TIMM23: variants seen among roughly 807,000 people sequenced by gnomAD.
TIMM23 encodes the protein mitochondrial import inner membrane translocase subunit Tim23.
A neutral mutation model predicts 30.7 loss-of-function variants in TIMM23; 19 were observed. The observed-to-expected ratio is 0.62, with a 90% CI of 0.43 to 0.91. The LOEUF is 0.91. TIMM23 is among the 40% of genes least tolerant of loss of function. TIMM23 has a pLI of 0.00. For synonymous variants in TIMM23, 78 were observed against 98.5 expected, an observed-to-expected ratio of 0.79 and a Z score of 1.23; for missense variants, 202 against 269.2, an observed-to-expected ratio of 0.75 and a Z score of 1.75.
chr10:45,979,687 ACAG>A (rs1837788247), intron 2 of TIMM23, among the ~76,000 whole-genome samples: 3 of 141,506 alleles, frequency 2.1e-5, no homozygotes, highest in Non-Finnish European at 4.5e-5. Flanking sequence ...ACGGCATCTG[ACAG>A]CTGCTGCATT....
At position 45,986,804 on chromosome 10, in the gene TIMM23, CGTGTGT is replaced by C. The variant is rs1161990914; in HGVS notation, c.403+1378_403+1383del. Among the ~76,000 whole-genome samples, 12 of 149,498 alleles carry C rather than the reference CGTGTGT, an allele frequency of 8.0e-5. 1 individual carries two copies. The highest frequency in any genetic ancestry group is 2.2e-4 in the African/African-American group (9 of 40,562). The stretch of plus-strand genomic sequence containing the variant: ...TCTATTTTTTCTTATACTAGAAATA[CGTGTGT>C]GTGTGTGTGTGTGTATGTGTGTGTC... On this transcript the variant is annotated intron_variant, in intron 5 of 6. Coordinates refer to ENST00000580018, the MANE Select transcript of TIMM23 (RefSeq NM_006327.4).
intron 2 of TIMM23, among the ~76,000 whole-genome samples, chr10:45,980,460 T>A (rs1287629796): frequency 2.6e-5 from 4 of 151,952 alleles, no homozygotes; most frequent in African/African-American, 9.7e-5. Flanking sequence ...GTCACTACTC[T>A]TGTATCCTTA....
chr10:45,985,147 G>C (rs1157803249), intron 4 of TIMM23, among the ~76,000 whole-genome samples: 2 of 151,472 alleles, frequency 1.3e-5, no homozygotes, highest in Non-Finnish European at 2.9e-5. Flanking sequence ...TATTATTAAG[G>C]ACTTATATAA....
In TIMM23 at chr10:45,975,498, C is replaced by G; in HGVS notation, c.151C>G (p.Arg51Gly). ...GTCTCCTTATTTAAATGTGGATCCA[C>G]GATACCTCGTGCAGGTAAGATTAAG... ...PLSPYLNVDP[R>G]YLVQDTDEFI... Residue 51 changes from arginine (R) to glycine (G), a missense_variant, in exon 2 of 7, where the codon CGA becomes GGA. By Grantham distance (125) the Arg-to-Gly change is moderately radical (BLOSUM62 -2). Transcript: ENST00000580018. 1.2e-6 allele frequency: 2 copies of G among 1,613,838 alleles called. No individual in the cohort carries two copies.
At chr10:45,997,526 G>GCTCT (rs1838380920) in intron 6 of TIMM23, among the ~76,000 whole-genome samples, 1 of 152,222 alleles carries the variant, frequency 6.6e-6, no homozygotes, top group East Asian at 1.9e-4. Context: ...GATAGATGTT[G>GCTCT]GTACACAGAG....
At chr10:46,002,967 C>T (rs1415570932) in intron 6 of TIMM23, among the ~76,000 whole-genome samples, 1 of 151,952 alleles carries the variant, frequency 6.6e-6, no homozygotes, top group Non-Finnish European at 1.5e-5. Flanking sequence ...GGACTATAAG[C>T]ACACATCACC....
At chr10:45,999,564 T>G (rs1838457025) in intron 6 of TIMM23, among the ~76,000 whole-genome samples, 3 of 152,028 alleles carry the variant, frequency 2.0e-5, no homozygotes. Flanking sequence ...TAGGTGTGGG[T>G]CAGAGACATC....
intron 6 of TIMM23, chr10:46,002,358 C>A: frequency 5.1e-6 from 1 of 196,780 alleles, no homozygotes; most frequent in Non-Finnish European, 9.2e-6. Context: ...CTATTTTTTG[C>A]AGAGACAGGG....
At chr10:45,989,940 A>AT (rs1171534537) in intron 6 of TIMM23, among the ~76,000 whole-genome samples, 1 of 152,080 alleles carries the variant, frequency 6.6e-6, no homozygotes, top group African/African-American at 2.4e-5. Context: ...CACATACGTG[A>AT]TTTTTTAAGT....
intron 6 of TIMM23, among the ~76,000 whole-genome samples, chr10:45,996,808 AC>A (rs1838348633): frequency 1.3e-5 from 2 of 151,676 alleles, no homozygotes; most frequent in African/African-American, 4.9e-5. Flanking sequence ...CCCTGTCTAT[AC>A]AAAAAATTAG....
chr10:45,995,145 T>A (rs1490568045), intron 6 of TIMM23, among the ~76,000 whole-genome samples: 1 of 151,742 alleles, frequency 6.6e-6, no homozygotes, highest in Non-Finnish European at 1.5e-5. Flanking sequence ...TGAGTATTCT[T>A]TTTTGCTTTT....
At chr10:45,998,353 A>G (rs947907687) in intron 6 of TIMM23, 14 of 984,682 alleles carry the variant, frequency 1.4e-5, no homozygotes, top group East Asian at 1.1e-4. Context: ...GTGCTTGCCT[A>G]TCGCTTTGGA....
At chr10:45,998,324 C>G (rs1357753959) in intron 6 of TIMM23, 3 of 970,832 alleles carry the variant, frequency 3.1e-6, no homozygotes, top group Admixed American at 6.2e-5. Context: ...GCCTCATTTT[C>G]TCATGTATAG....
chr10:45,972,859 T>C, intron 1 of TIMM23, 129 bp downstream of exon 1: 10 of 1,509,168 alleles, frequency 6.6e-6, no homozygotes, highest in Non-Finnish European at 8.9e-6. Flanking sequence ...GTACCAGTGG[T>C]GGGGTTAGTG....
At chr10:45,980,716 C>T (rs1554913863) in intron 2 of TIMM23, among the ~76,000 whole-genome samples, 1 of 152,090 alleles carries the variant, frequency 6.6e-6, no homozygotes, top group Non-Finnish European at 1.5e-5. Flanking sequence ...CCTGGAGTGT[C>T]AGCAGAACAG....
chr10:45,988,133 T>C (rs1838051333), intron 5 of TIMM23, among the ~76,000 whole-genome samples: 1 of 152,060 alleles, frequency 6.6e-6, no homozygotes, highest in Non-Finnish European at 1.5e-5. Flanking sequence ...GGGCCTCATG[T>C]GGAAAATTGA....
chr10:45,985,508 G>C (rs1243477237), intron 5 of TIMM23, 67 bp downstream of exon 5: 2 of 1,577,224 alleles, frequency 1.3e-6, no homozygotes, highest in Middle Eastern at 1.7e-4. Context: ...TGAACAATTT[G>C]ATCAACCCAT....
At position 45,982,871 on chromosome 10, in the gene TIMM23, T is replaced by C; in HGVS notation, c.285T>C (p.Gly95=). ...GGGCTGCGTTTGGTGCAATGAATGG[T>C]CTTCGGCTAGGATTGAAGGAAACCC... The part of the protein sequence containing the change: ...MTGAAFGAMN[G]LRLGLKETQN... Residue 95 remains glycine (G), a synonymous_variant, in exon 4 of 7, where the codon GGT becomes GGC. Coordinates refer to ENST00000580018, the MANE Select transcript of TIMM23 (RefSeq NM_006327.4). The C allele has an allele frequency of 6.2e-7, 1 of 1,613,970 alleles. No individual in the cohort carries two copies. Among genetic ancestry groups the C allele is most frequent in the Non-Finnish European group, 8.5e-7 (1 of 1,179,860 alleles).
At chr10:45,974,689 ATGGT>A (rs1306664620) in intron 1 of TIMM23, among the ~76,000 whole-genome samples, 2 of 152,238 alleles carry the variant, frequency 1.3e-5, no homozygotes, top group Admixed American at 6.5e-5. Context: ...GTGAGATATG[ATGGT>A]TGGACTAGGA....
Sources: allele counts gnomAD v4.1 joint callset (sites outside exome capture counted in the v4.1 genomes callset), GRCh38; gene constraint gnomAD v4.1.1; transcripts MANE v1.5; gene names NCBI Gene and HGNC (gene_info 2026-07-23, HGNC 2026-07-21).